The following MCTP2 variants were observed in gnomAD, a reference collection of about 807,000 sequenced individuals.
The protein encoded by MCTP2 is multiple C2 and transmembrane domain-containing protein 2.
Under a neutral mutation model 111.6 loss-of-function variants are expected in MCTP2, and 132 were observed. The ratio of observed to expected loss-of-function variants is 1.18; its 90% confidence interval spans 1.03 to 1.37. MCTP2 has a LOEUF of 1.37. Ranked by LOEUF, MCTP2 falls within the 40% of genes most tolerant of loss-of-function variation. The pLI is 0.00. For synonymous variants in MCTP2, 395 were observed against 387.7 expected (o/e 1.02, Z -0.22); for missense variants, 1,183 against 1,067.9 (o/e 1.11, Z -1.50).
At chr15:94,402,507 C>A in intron 17 of MCTP2, 3 of 1,551,798 alleles carry the variant, frequency 1.9e-6, no homozygotes, top group Non-Finnish European at 2.6e-6. Flanking sequence ...GGAACCACCC[C>A]TGTCTATGAA....
chr15:94,249,392 G>C (rs1396915327), intron 1 of MCTP2, among the ~76,000 whole-genome samples: 1 of 152,108 alleles, frequency 6.6e-6, no homozygotes, highest in Admixed American at 6.5e-5. Context: ...CTGAGATGGA[G>C]ATGGTAATAC....
rs149394771 is a variant in MCTP2 at position 94,390,673 on chromosome 15, C to A, written c.1788+5148C>A. Among the ~76,000 whole-genome samples the A allele has an allele frequency of 3.7e-3, 553 of 148,702 alleles. 1 individual carries two copies. The highest frequency in any genetic ancestry group is 7.1e-3 in the Middle Eastern group (2 of 282). On this transcript the variant is annotated intron_variant, in intron 14 of 22. Coordinates refer to ENST00000357742, the MANE Select transcript of MCTP2 (RefSeq NM_001385001.1). ...TGCATATATTGGTATTTCCTAATAA[C>A]AAATAAGAAGTCATCTGCAGTTTGA...
rs1438954289 is a variant in MCTP2 at position 94,479,410 on chromosome 15, C to G, written c.*376C>G. The G allele has an allele frequency of 1.6e-5, 4 of 247,668 alleles. No homozygotes were observed. The highest frequency in any genetic ancestry group is 2.4e-5 in the Non-Finnish European group (3 of 126,014). 15.3% of individuals were successfully genotyped at this position (247,668 alleles called of 1,614,324 possible). On this transcript the variant is annotated 3_prime_UTR_variant, in exon 23 of 23. Transcript: ENST00000357742. ...CTTGTTTTCACACCTCCAACAGACTCTCATTAAGATTCAGTTATTTCCGCT... is the reference window on the plus strand; with the variant it reads ...CTTGTTTTCACACCTCCAACAGACTGTCATTAAGATTCAGTTATTTCCGCT...
At chr15:94,271,161 T>G (rs1596236628) in intron 1 of MCTP2, among the ~76,000 whole-genome samples, 1 of 152,278 alleles carries the variant, frequency 6.6e-6, no homozygotes, top group East Asian at 1.9e-4. Context: ...AAGTTATCCT[T>G]TCTACTAGTT....
At chr15:94,354,198 T>C (rs1411730542) in intron 8 of MCTP2, among the ~76,000 whole-genome samples, 8 of 152,174 alleles carry the variant, frequency 5.3e-5, no homozygotes, top group Non-Finnish European at 1.0e-4. Context: ...CTTTCCTCAT[T>C]TGCCCCTTCT....
intron 12 of MCTP2, among the ~76,000 whole-genome samples, chr15:94,374,360 A>G (rs2079642956): frequency 1.3e-5 from 2 of 152,208 alleles, no homozygotes; most frequent in Non-Finnish European, 2.9e-5. Context: ...AAGAGTAGGA[A>G]ACTATATTGG....
intron 1 of MCTP2, among the ~76,000 whole-genome samples, chr15:94,275,979 G>C (rs921513117): frequency 2.0e-5 from 3 of 151,600 alleles, no homozygotes; most frequent in African/African-American, 7.3e-5. Context: ...CTCCTGAGTA[G>C]CTGGGACAGG....
intron 8 of MCTP2, among the ~76,000 whole-genome samples, chr15:94,354,588 A>G (rs1596455985): frequency 6.6e-6 from 1 of 152,192 alleles, no homozygotes; most frequent in East Asian, 1.9e-4. Flanking sequence ...CACTGAGTCA[A>G]TTAAACCTCT....
At chr15:94,364,933 C>T (rs775150629) in intron 10 of MCTP2, among the ~76,000 whole-genome samples, 3 of 152,142 alleles carry the variant, frequency 2.0e-5, no homozygotes, top group Non-Finnish European at 4.4e-5. Context: ...TTTTTTCTGT[C>T]TCCCGTCTTT....
intron 1 of MCTP2, among the ~76,000 whole-genome samples, chr15:94,253,326 G>C (rs575874857): frequency 6.6e-6 from 1 of 152,232 alleles, no homozygotes; most frequent in South Asian, 2.1e-4. Context: ...TTCTGTAAAT[G>C]GCTCTTGCTC....
At chr15:94,257,604 T>TTTTTTTTTTTAG (rs2152276927) in intron 1 of MCTP2, among the ~76,000 whole-genome samples, 1 of 117,748 alleles carries the variant, frequency 8.5e-6, no homozygotes, top group Non-Finnish European at 1.7e-5. Context: ...TTTTTTTTTT[T>TTTTTTTTTTTAG]GAGACGGAGT....
chr15:94,367,867 G>C (rs1433463995), intron 11 of MCTP2, 76 bp downstream of exon 11: 1 of 1,288,894 alleles, frequency 7.8e-7, no homozygotes, highest in Middle Eastern at 2.5e-4. Flanking sequence ...TTGAAACAAA[G>C]TCTCTGAATT....
At chr15:94,332,490 G>T (rs950917191) in intron 4 of MCTP2, among the ~76,000 whole-genome samples, 4 of 152,110 alleles carry the variant, frequency 2.6e-5, no homozygotes, top group Admixed American at 1.3e-4. Flanking sequence ...CCAAATACTA[G>T]TTTTGTCATT....
At chr15:94,366,014 T>C (rs546245841) in intron 10 of MCTP2, among the ~76,000 whole-genome samples, 1 of 152,308 alleles carries the variant, frequency 6.6e-6, no homozygotes, top group Non-Finnish European at 1.5e-5. Context: ...GCAATATTGC[T>C]CAAGAATTTG....
intron 20 of MCTP2, among the ~76,000 whole-genome samples, chr15:94,462,914 T>G (rs1250791666): frequency 1.3e-5 from 2 of 152,234 alleles, no homozygotes; most frequent in Non-Finnish European, 2.9e-5. Context: ...AGTATTATTT[T>G]ATGGCCACTG....
At chr15:94,347,156 A>G (rs1485420348) in intron 8 of MCTP2, among the ~76,000 whole-genome samples, 1 of 152,236 alleles carries the variant, frequency 6.6e-6, no homozygotes, top group African/African-American at 2.4e-5. Flanking sequence ...GAGAAAAGTC[A>G]GGTAGTGTCT....
intron 1 of MCTP2, among the ~76,000 whole-genome samples, chr15:94,252,647 G>A (rs62017633): frequency 6.8e-6 from 1 of 147,892 alleles, no homozygotes; most frequent in African/African-American, 2.6e-5. Context: ...TTTTTTTTTG[G>A]TCTCAAAGTA....
chr15:94,341,393 A>C (rs1299959538), intron 7 of MCTP2: 2 of 153,076 alleles, frequency 1.3e-5, no homozygotes, highest in Non-Finnish European at 2.9e-5. Flanking sequence ...TACAAATCAT[A>C]ATCTTATTTT....
At chr15:94,316,780 T>C (rs2076395813) in intron 4 of MCTP2, among the ~76,000 whole-genome samples, 1 of 152,148 alleles carries the variant, frequency 6.6e-6, no homozygotes, top group South Asian at 2.1e-4. Context: ...TTTTTCTTTA[T>C]GATATTTATT....
Sources: allele counts gnomAD v4.1 joint callset (sites outside exome capture counted in the v4.1 genomes callset), GRCh38; gene constraint gnomAD v4.1.1; transcripts MANE v1.5; gene names NCBI Gene and HGNC (gene_info 2026-07-23, HGNC 2026-07-21).